Variants in ADARB2 observed in about 807,000 individuals in gnomAD.
ADARB2 encodes the protein inactive double-stranded RNA-specific editase B2.
A neutral mutation model predicts 62.2 loss-of-function variants in ADARB2; 25 were observed. The observed-to-expected ratio is 0.40, with a 90% CI of 0.29 to 0.56. ADARB2 has a LOEUF of 0.56. Ranked by LOEUF, ADARB2 falls within the 20% of genes least tolerant of loss-of-function variation. The pLI, the probability that ADARB2 is intolerant of heterozygous loss-of-function variation, is 0.43. For missense variants in ADARB2, 1,071 were observed against 1,077.4 expected (o/e 0.99, Z 0.08); for synonymous variants, 572 against 500.8 (o/e 1.14, Z -1.90).
intron 3 of ADARB2, among the ~76,000 whole-genome samples, chr10:1,351,434 T>G (rs545873517): frequency 1.6e-4 from 24 of 151,890 alleles, no homozygotes; most frequent in African/African-American, 4.6e-4. Context: ...TCCCCAACTC[T>G]GGTGCCAACT....
intron 1 of ADARB2, among the ~76,000 whole-genome samples, chr10:1,631,861 T>C (rs17156674): frequency 0.014 from 2,200 of 152,348 alleles, 31 homozygotes; most frequent in East Asian, 0.044. Flanking sequence ...TATAGTGTCA[T>C]AGAAATTCTA....
chr10:1,411,265 T>A (rs1290551537), intron 1 of ADARB2, among the ~76,000 whole-genome samples: 2 of 152,156 alleles, frequency 1.3e-5, no homozygotes, highest in Non-Finnish European at 2.9e-5. Flanking sequence ...GAGGCACAGG[T>A]GCGTCCGTGA....
At chr10:1,488,348 A>G (rs1831571782) in intron 1 of ADARB2, among the ~76,000 whole-genome samples, 1 of 152,248 alleles carries the variant, frequency 6.6e-6, no homozygotes, top group Non-Finnish European at 1.5e-5. Flanking sequence ...AGGTCTGAGT[A>G]GCCAATGACC....
chr10:1,476,873 C>T (rs7085611), intron 1 of ADARB2, among the ~76,000 whole-genome samples: 16,991 of 152,072 alleles, frequency 0.11, 1,252 homozygotes, highest in East Asian at 0.32. Context: ...CTGAACCCAG[C>T]CTGGGTGCCA....
At chr10:1,528,452 G>A (rs1286873324) in intron 1 of ADARB2, among the ~76,000 whole-genome samples, 1 of 152,218 alleles carries the variant, frequency 6.6e-6, no homozygotes, top group African/African-American at 2.4e-5. Flanking sequence ...TCTCAGGAAG[G>A]ACTTATGGAT....
chr10:1,626,618 G>A (rs1480843871), intron 1 of ADARB2, among the ~76,000 whole-genome samples: 3 of 152,034 alleles, frequency 2.0e-5, no homozygotes, highest in Non-Finnish European at 2.9e-5. Context: ...CTCCCACGAC[G>A]GCCTGTCCTC....
At chr10:1,627,656 G>T (rs1829890714) in intron 1 of ADARB2, among the ~76,000 whole-genome samples, 1 of 152,234 alleles carries the variant, frequency 6.6e-6, no homozygotes, top group South Asian at 2.1e-4. Context: ...TGGAGATGCA[G>T]AAGCACTGGC....
intron 3 of ADARB2, among the ~76,000 whole-genome samples, chr10:1,362,754 C>T (rs1424044617): frequency 1.3e-5 from 2 of 152,342 alleles, no homozygotes; most frequent in Non-Finnish European, 2.9e-5. Flanking sequence ...ACGGGGGACC[C>T]GTCCCTCCCC....
intron 1 of ADARB2, among the ~76,000 whole-genome samples, chr10:1,616,382 C>T (rs551794581): frequency 2.0e-5 from 3 of 152,208 alleles, no homozygotes; most frequent in Non-Finnish European, 4.4e-5. Flanking sequence ...CAGACACACT[C>T]TACCCTGAGC....
intron 4 of ADARB2, among the ~76,000 whole-genome samples, chr10:1,261,396 C>T (rs9419482): frequency 1.2e-4 from 18 of 147,642 alleles, no homozygotes; most frequent in South Asian, 2.1e-4. Flanking sequence ...ATTTTCGCAA[C>T]CTACTCATCT....
intron 3 of ADARB2, among the ~76,000 whole-genome samples, chr10:1,315,132 A>T (rs1198365918): frequency 1.3e-5 from 2 of 151,916 alleles, no homozygotes; most frequent in Non-Finnish European, 2.9e-5. Flanking sequence ...AGTGGTCAGG[A>T]GGGGAGGCCA....
chr10:1,453,237 A>G (rs1831060615), intron 1 of ADARB2, among the ~76,000 whole-genome samples: 1 of 152,162 alleles, frequency 6.6e-6, no homozygotes. Context: ...CCCTTTGCTG[A>G]TTGTGCCCTT....
intron 1 of ADARB2, among the ~76,000 whole-genome samples, chr10:1,492,189 G>A (rs1046490558): frequency 1.3e-5 from 2 of 152,192 alleles, no homozygotes; most frequent in Non-Finnish European, 2.9e-5. Flanking sequence ...GTAAAACTAA[G>A]TAATGGGATG....
rs779715693 is a variant in ADARB2, at chr10:1,242,141, G to C, written c.1351C>G (p.Leu451Val). 2 of 1,607,168 alleles carry C rather than the reference G, an allele frequency of 1.2e-6. No individual in the cohort carries two copies. The highest frequency in any genetic ancestry group is 2.2e-5 in the South Asian group (2 of 90,798). ...TCCCCAGCCGCTCACCTCAGGTGCA[G>C]CTCCAGCTGCGTGTAGAGGAAGTGC... ...FLHFLYTQLELHLSKRREDSE... is the reference protein window; with the variant it reads ...FLHFLYTQLEVHLSKRREDSE... The change falls in exon 5 of 10, where the codon CTG becomes GTG. Residue 451 changes from leucine (L) to valine (V), a missense_variant. Physicochemically the swap from Leu to Val is conservative, Grantham distance 32. Coordinates refer to ENST00000381312, the MANE Select transcript of ADARB2 (RefSeq NM_018702.4).
chr10:1,576,338 A>G (rs904457227), intron 1 of ADARB2, among the ~76,000 whole-genome samples: 2 of 135,756 alleles, frequency 1.5e-5, no homozygotes, highest in Non-Finnish European at 3.1e-5. Flanking sequence ...GGGTCACAGG[A>G]TGGGTCTCAG....
chr10:1,566,092 AAAAAAAAAAAAAAAAAAAC>A (rs1832859369), intron 1 of ADARB2, among the ~76,000 whole-genome samples: 1 of 93,746 alleles, frequency 1.1e-5, no homozygotes, highest in African/African-American at 3.4e-5. Flanking sequence ...AAAAAAAAAA[AAAAAAAAAAAAAAAAAAAC>A]TCCCCTGTGT....
chr10:1,287,025 T>A (rs1831420667), intron 3 of ADARB2, among the ~76,000 whole-genome samples: 1 of 152,226 alleles, frequency 6.6e-6, no homozygotes, highest in Non-Finnish European at 1.5e-5. Context: ...AAGGGTACAT[T>A]TTGATACAAT....
intron 7 of ADARB2, among the ~76,000 whole-genome samples, chr10:1,214,952 G>A (rs531531139): frequency 3.6e-4 from 55 of 152,332 alleles, no homozygotes; most frequent in Non-Finnish European, 5.0e-4. Flanking sequence ...GCTCTCCCAC[G>A]ATTTCCATGA....
intron 3 of ADARB2, among the ~76,000 whole-genome samples, chr10:1,354,767 G>T (rs1465366810): frequency 6.6e-6 from 1 of 152,192 alleles, no homozygotes; most frequent in African/African-American, 2.4e-5. Flanking sequence ...TTTCCCAGTT[G>T]CCATCTCCTT....
Sources: allele counts gnomAD v4.1 joint callset (sites outside exome capture counted in the v4.1 genomes callset), GRCh38; gene constraint gnomAD v4.1.1; transcripts MANE v1.5; gene names NCBI Gene and HGNC (gene_info 2026-07-23, HGNC 2026-07-21).